Variants in NEDD9 observed in about 807,000 individuals in gnomAD.
The protein encoded by NEDD9 is neural precursor cell expressed, developmentally down-regulated 9, also known as enhancer of filamentation 1.
NEDD9 carries 26 observed loss-of-function variants against 76.6 expected under a neutral mutation model. That is an observed-to-expected ratio of 0.34 (90% confidence interval 0.25 to 0.47). The LOEUF is 0.47. Among genes scored for constraint, NEDD9 ranks in the 20% least tolerant of loss-of-function variants. The probability of loss-of-function intolerance (pLI) is 1.00; values close to 1 mark genes in which losing one functional copy is unlikely to be tolerated. For missense variants in NEDD9, 937 were observed against 1,058.5 expected, an observed-to-expected ratio of 0.89 and a Z score of 1.59; for synonymous variants, 392 against 414.2, an observed-to-expected ratio of 0.95 and a Z score of 0.65.
intron 3 of NEDD9, among the ~76,000 whole-genome samples, chr6:11,247,774 G>GAAC (rs1759837347): frequency 6.6e-6 from 1 of 152,196 alleles, no homozygotes; most frequent in African/African-American, 2.4e-5. Context: ...TCAGTCGCAT[G>GAAC]AACACATGTA....
intron 3 of NEDD9, among the ~76,000 whole-genome samples, chr6:11,281,455 C>T (rs1401692257): frequency 6.6e-6 from 1 of 152,228 alleles, no homozygotes; most frequent in African/African-American, 2.4e-5. Flanking sequence ...CCCTTTATTC[C>T]ACCTCTGGAC....
In NEDD9 at chr6:11,308,390, T is replaced by G. The variant is rs1173944236; in HGVS notation, c.-152-2235A>C. On this transcript the variant is annotated intron_variant, in intron 2 of 3. Transcript: ENST00000397378. ...TTTTTTTTTTTTTTTTTTTTTTTGA[T>G]ACGAAGTCTGGCTCTGTCACCCAGG... Among the ~76,000 whole-genome samples the G allele has an allele frequency of 4.1e-4, 51 of 124,746 alleles. 1 individual carries two copies. Among genetic ancestry groups the G allele is most frequent in the African/African-American group, 1.5e-3 (48 of 31,570 alleles). 81.8% of individuals were successfully genotyped at this position (124,746 alleles called of 152,430 possible).
chr6:11,190,251 C>T lies in NEDD9; in HGVS notation c.1618G>A (p.Asp540Asn), dbSNP rs144452810. The T allele has an allele frequency of 5.6e-5, 91 of 1,614,092 alleles. 1 individual carries two copies. The highest frequency in any genetic ancestry group is 5.3e-4 in the East Asian group (24 of 44,892). The change falls in exon 5 of 7, where the codon GAT (aspartate) becomes AAT (asparagine). Residue 540 changes from aspartate (D) to asparagine (N), a missense_variant. Transcript: ENST00000379446. This position sits in a 1 kb window ranked among gnomAD's most constrained non-coding sequence, Gnocchi z 5.8. ...GTTGTGGTGAGCTGCTTGGCGTCAT[C>T]GGGCACCGTCTTTGCCACCATCACA... ...RFVMVAKTVP[D>N]DAKQLTTTIN...
chr6:11,323,059 A>G (rs1353624612), intron 2 of NEDD9, among the ~76,000 whole-genome samples: 1 of 152,226 alleles, frequency 6.6e-6, no homozygotes, highest in Non-Finnish European at 1.5e-5. Flanking sequence ...TTTGAAGATT[A>G]AAAGAGACAA....
intron 1 of NEDD9, among the ~76,000 whole-genome samples, chr6:11,346,229 T>A (rs1344541999): frequency 6.6e-6 from 1 of 152,184 alleles, no homozygotes; most frequent in South Asian, 2.1e-4. Flanking sequence ...TGAACAAACA[T>A]GGCTGTGAAT....
At chr6:11,217,262 C>G (rs1223315220) in intron 1 of NEDD9, among the ~76,000 whole-genome samples, 2 of 152,154 alleles carry the variant, frequency 1.3e-5, no homozygotes, top group African/African-American at 2.4e-5. Context: ...ATTCTTCTGG[C>G]AAGGAAGTGG....
chr6:11,329,184 T>G (rs1437296984), intron 2 of NEDD9, among the ~76,000 whole-genome samples: 1 of 152,216 alleles, frequency 6.6e-6, no homozygotes, highest in Non-Finnish European at 1.5e-5. Context: ...CAAACACCCG[T>G]GCAAGGGCAA....
Position 11,190,358 on chromosome 6 carries a change from T to C in NEDD9, c.1511A>G (p.His504Arg), listed in dbSNP as rs150123400. The C allele has an allele frequency of 1.7e-4, 276 of 1,614,210 alleles. No homozygotes were observed. In the African/African-American group the frequency reaches 3.3e-3, roughly 19 times the overall value. ...GGACCAGCTGCACTCATTTAAGTCA[T>C]GGCTGGTTTGACTCAGGATCTGGTG... ...DSHQILSQTS[H>R]DLNECSWSLN... Residue 504 changes from histidine (H) to arginine (R), a missense_variant, in exon 5 of 7, where the codon CAT (histidine) becomes CGT (arginine). By Grantham distance (29) the His-to-Arg change is conservative (BLOSUM62 0). Coordinates refer to ENST00000379446, the MANE Select transcript of NEDD9 (RefSeq NM_006403.4). The surrounding 1 kb of genome is among the most constrained non-coding windows in gnomAD (Gnocchi z 5.8).
intron 1 of NEDD9, among the ~76,000 whole-genome samples, chr6:11,345,467 AGTGT>A (rs111373981): frequency 6.6e-6 from 1 of 151,032 alleles, no homozygotes. Flanking sequence ...AGAGAGAGAG[AGTGT>A]GTGTGTGTGT....
At position 11,192,441 on chromosome 6, in the gene NEDD9, G is replaced by A. The variant is rs150207357; in HGVS notation, c.567C>T (p.Tyr189=). ...IPPSHTTQGV[Y]DIPPSSAKGP... Reference sequence around the variant, plus strand: ...CTTTTGCTGATGAGGGAGGGATGTCGTATACCTGAAGAGAAACCCGTGAGT... The same window carrying A: ...CTTTTGCTGATGAGGGAGGGATGTCATATACCTGAAGAGAAACCCGTGAGT... The change falls in exon 4 of 7, where the codon TAC becomes TAT. Residue 189 remains tyrosine (Y), a synonymous_variant. Coordinates refer to ENST00000379446, the MANE Select transcript of NEDD9 (RefSeq NM_006403.4). 75 of 1,609,872 alleles carry A rather than the reference G, an allele frequency of 4.7e-5. No homozygotes were observed. In the African/African-American group the frequency reaches 4.7e-4, roughly 10 times the overall value.
intron 2 of NEDD9, among the ~76,000 whole-genome samples, chr6:11,324,069 C>T (rs1761871166): frequency 6.6e-6 from 1 of 152,184 alleles, no homozygotes; most frequent in Non-Finnish European, 1.5e-5. Context: ...CACAGCCCCA[C>T]AAGGATGCCG....
intron 3 of NEDD9, among the ~76,000 whole-genome samples, chr6:11,256,788 C>A (rs1280333826): frequency 6.6e-6 from 1 of 152,160 alleles, no homozygotes; most frequent in African/African-American, 2.4e-5. Flanking sequence ...TTATTACAAA[C>A]CCTGGATTCA....
At chr6:11,335,504 A>C (rs577775133) in intron 1 of NEDD9, among the ~76,000 whole-genome samples, 12 of 152,340 alleles carry the variant, frequency 7.9e-5, no homozygotes, top group African/African-American at 2.9e-4. Flanking sequence ...ACCCGACTGC[A>C]CGTCATACAA....
chr6:11,276,634 A>T (rs768523229), intron 3 of NEDD9, among the ~76,000 whole-genome samples: 1 of 152,122 alleles, frequency 6.6e-6, no homozygotes, highest in Non-Finnish European at 1.5e-5. Context: ...GATTTTTTTT[A>T]ACTTCAAACC....
At chr6:11,209,908 T>G (rs1173266470) in intron 2 of NEDD9, among the ~76,000 whole-genome samples, 6 of 150,044 alleles carry the variant, frequency 4.0e-5, no homozygotes, top group Non-Finnish European at 8.9e-5. Context: ...TGCAAGAGGG[T>G]GGGTAGAGGT....
intron 1 of NEDD9, among the ~76,000 whole-genome samples, chr6:11,350,934 A>G (rs528524485): frequency 1.8e-4 from 27 of 152,348 alleles, no homozygotes; most frequent in Non-Finnish European, 3.1e-4. Flanking sequence ...CTTTCTTGAC[A>G]TATAATCGAC....
At chr6:11,273,691 T>A (rs1760360486) in intron 3 of NEDD9, among the ~76,000 whole-genome samples, 1 of 152,190 alleles carries the variant, frequency 6.6e-6, no homozygotes, top group African/African-American at 2.4e-5. Flanking sequence ...TGGGCATTGT[T>A]CATACAATGG....
intron 1 of NEDD9, among the ~76,000 whole-genome samples, chr6:11,371,195 T>C (rs564735459): frequency 6.6e-6 from 1 of 152,308 alleles, no homozygotes; most frequent in East Asian, 1.9e-4. Flanking sequence ...TGCTCCCACA[T>C]GCACACAGGC....
intron 1 of NEDD9, among the ~76,000 whole-genome samples, chr6:11,380,254 C>T (rs1763038447): frequency 6.6e-6 from 1 of 152,112 alleles, no homozygotes; most frequent in African/African-American, 2.4e-5. Context: ...AGCTTGGGTT[C>T]CCCCAGAAGT....
Sources: allele counts gnomAD v4.1 joint callset (sites outside exome capture counted in the v4.1 genomes callset), GRCh38; gene constraint gnomAD v4.1.1; non-coding constraint Gnocchi (gnomAD v3.1); transcripts MANE v1.5; gene names NCBI Gene and HGNC (gene_info 2026-07-23, HGNC 2026-07-21).